The following PNPLA8 variants were observed in gnomAD, a reference collection of about 807,000 sequenced individuals.
The protein encoded by PNPLA8 is patatin like domain 8, phospholipase A2, also known as calcium-independent phospholipase A2-gamma.
In PNPLA8, 39 loss-of-function variants were observed where a neutral mutation model predicts 76.9. The ratio of observed to expected loss-of-function variants is 0.51; its 90% confidence interval spans 0.39 to 0.66. PNPLA8 has a LOEUF of 0.66. Among genes scored for constraint, PNPLA8 ranks in the 30% least tolerant of loss-of-function variants. The probability of loss-of-function intolerance (pLI) is 0.00; values close to 1 mark genes in which losing one functional copy is unlikely to be tolerated. For synonymous variants in PNPLA8, 301 were observed against 307.9 expected, an observed-to-expected ratio of 0.98 and a Z score of 0.24; for missense variants, 887 against 918.0, an observed-to-expected ratio of 0.97 and a Z score of 0.44.
chr7:108,479,081 A>G, intron 10 of PNPLA8, 103 bp downstream of exon 10: 1 of 721,950 alleles, frequency 1.4e-6, no homozygotes, highest in Admixed American at 2.3e-5. Context: ...AATCCACAAT[A>G]CAGACATATC....
chr7:108,513,343 G>C (rs1436759328), intron 4 of PNPLA8, among the ~76,000 whole-genome samples: 1 of 152,014 alleles, frequency 6.6e-6, no homozygotes. Context: ...AATAATGTAT[G>C]TGTTATACAA....
At chr7:108,505,340 A>G in intron 4 of PNPLA8, among the ~76,000 whole-genome samples, 1 of 5,566 alleles carries the variant, frequency 1.8e-4, no homozygotes, top group South Asian at 0.015. Flanking sequence ...ATATATATAT[A>G]TATATATATA....
At chr7:108,493,936 G>A (rs182627818) in intron 7 of PNPLA8, among the ~76,000 whole-genome samples, 21 of 151,894 alleles carry the variant, frequency 1.4e-4, no homozygotes, top group African/African-American at 4.3e-4. Context: ...GAATTTGTAC[G>A]AAAATAAATC....
At chr7:108,490,374 A>ACACAGG (rs1201808013) in intron 8 of PNPLA8, among the ~76,000 whole-genome samples, 32 of 151,806 alleles carry the variant, frequency 2.1e-4, no homozygotes, top group East Asian at 5.8e-4. Context: ...ACACTCTATA[A>ACACAGG]TACTTGCACA....
intron 10 of PNPLA8, among the ~76,000 whole-genome samples, chr7:108,474,775 T>C (rs539124986): frequency 2.0e-5 from 3 of 152,370 alleles, no homozygotes; most frequent in South Asian, 2.1e-4. Flanking sequence ...CTCTATTACA[T>C]ACCATTGATT....
At chr7:108,488,312 G>A (rs893993247) in intron 8 of PNPLA8, among the ~76,000 whole-genome samples, 2 of 152,208 alleles carry the variant, frequency 1.3e-5, no homozygotes, top group African/African-American at 4.8e-5. Flanking sequence ...GGGCACAGTG[G>A]CTCACGCCAG....
At chr7:108,483,346 G>T (rs983914531) in intron 9 of PNPLA8, among the ~76,000 whole-genome samples, 5 of 152,164 alleles carry the variant, frequency 3.3e-5, no homozygotes, top group African/African-American at 1.2e-4. Context: ...CTGTGTTGAC[G>T]TTCAGAAAAG....
At chr7:108,516,857 G>A (rs1017539451) in intron 2 of PNPLA8, among the ~76,000 whole-genome samples, 4 of 152,064 alleles carry the variant, frequency 2.6e-5, no homozygotes, top group Admixed American at 6.6e-5. Context: ...AGCCAAGATC[G>A]TGCCACTGCA....
At chr7:108,490,927 T>C (rs1338401719) in intron 8 of PNPLA8, among the ~76,000 whole-genome samples, 1 of 152,228 alleles carries the variant, frequency 6.6e-6, no homozygotes, top group Non-Finnish European at 1.5e-5. Flanking sequence ...ACCGAATTTA[T>C]AAAAGGTATA....
chr7:108,527,156 C>T (rs1029845724), upstream of PNPLA8, among the ~76,000 whole-genome samples: 4 of 152,198 alleles, frequency 2.6e-5, no homozygotes, highest in Non-Finnish European at 4.4e-5. Context: ...TCAAGGCTTA[C>T]CCACTACCCA....
intron 9 of PNPLA8, among the ~76,000 whole-genome samples, chr7:108,484,851 C>T (rs1180327147): frequency 1.3e-5 from 2 of 152,144 alleles, no homozygotes; most frequent in East Asian, 3.9e-4. Context: ...TCTTTATATC[C>T]TTCCCAGCTA....
At chr7:108,488,777 T>A (rs1375109786) in intron 8 of PNPLA8, among the ~76,000 whole-genome samples, 2 of 152,224 alleles carry the variant, frequency 1.3e-5, no homozygotes, top group Admixed American at 6.5e-5. Context: ...ATGTCAACCA[T>A]CTCAGGTCTC....
chr7:108,505,545 T>C (rs1862358770), intron 4 of PNPLA8, among the ~76,000 whole-genome samples: 1 of 150,142 alleles, frequency 6.7e-6, no homozygotes, highest in Admixed American at 6.7e-5. Flanking sequence ...GTATTTTTAG[T>C]AGAGACGAGG....
At chr7:108,485,553 T>C (rs569617041) in intron 9 of PNPLA8, among the ~76,000 whole-genome samples, 1 of 152,142 alleles carries the variant, frequency 6.6e-6, no homozygotes, top group Non-Finnish European at 1.5e-5. Context: ...CTGGTAATAA[T>C]TGAATATAAT....
intron 7 of PNPLA8, among the ~76,000 whole-genome samples, chr7:108,493,503 C>T (rs913313330): frequency 4.7e-5 from 7 of 150,290 alleles, no homozygotes; most frequent in Non-Finnish European, 8.9e-5. Flanking sequence ...CTCCCAGGTT[C>T]ACACCATTCT....
intron 10 of PNPLA8, among the ~76,000 whole-genome samples, chr7:108,475,159 T>C (rs1289393808): frequency 6.6e-6 from 1 of 152,106 alleles, no homozygotes; most frequent in African/African-American, 2.4e-5. Context: ...CTGTCTCCCA[T>C]CATCCCTAGA....
At chr7:108,523,211 C>T (rs567774194) in intron 1 of PNPLA8, among the ~76,000 whole-genome samples, 8 of 152,152 alleles carry the variant, frequency 5.3e-5, no homozygotes, top group African/African-American at 1.9e-4. Context: ...TAGATGGAGA[C>T]CCAGCTAAGG....
At chr7:108,524,411 C>G (rs1048096443) in intron 1 of PNPLA8, among the ~76,000 whole-genome samples, 4 of 152,106 alleles carry the variant, frequency 2.6e-5, no homozygotes, top group African/African-American at 7.2e-5. Context: ...GGAAACAAAA[C>G]AGGAGAAAAG....
chr7:108,502,806 T>A (rs1436492764), intron 4 of PNPLA8, 164 bp from the exon 5 acceptor site: 3 of 433,966 alleles, frequency 6.9e-6, no homozygotes, highest in Admixed American at 4.2e-5. Flanking sequence ...GATATATTAA[T>A]GTCAATTTTC....
Sources: allele counts gnomAD v4.1 joint callset (sites outside exome capture counted in the v4.1 genomes callset), GRCh38; gene constraint gnomAD v4.1.1; transcripts MANE v1.5; gene names NCBI Gene and HGNC (gene_info 2026-07-23, HGNC 2026-07-21).